FHIT: variants seen among roughly 807,000 people sequenced by gnomAD.
FHIT encodes the protein fragile histidine triad diadenosine triphosphatase.
In FHIT, 19 loss-of-function variants were observed where a neutral mutation model predicts 17.9. That is an observed-to-expected ratio of 1.06 (90% CI 0.74 to 1.56). The LOEUF is 1.56. Among genes scored for constraint, FHIT ranks in the 40% most tolerant of loss-of-function variants. The pLI is 0.00. For synonymous variants in FHIT, 81 were observed against 69.7 expected, an observed-to-expected ratio of 1.16 and a Z score of -0.81; for missense variants, 248 against 189.2, an observed-to-expected ratio of 1.31 and a Z score of -1.82.
intron 5 of FHIT, among the ~76,000 whole-genome samples, chr3:60,383,548 T>C (rs1424875526): frequency 6.6e-6 from 1 of 151,988 alleles, no homozygotes; most frequent in Non-Finnish European, 1.5e-5. Flanking sequence ...CAAAGAATTA[T>C]CCCACCCAAA....
At chr3:61,061,605 G>A (rs1411355791) in intron 2 of FHIT, among the ~76,000 whole-genome samples, 1 of 151,338 alleles carries the variant, frequency 6.6e-6, no homozygotes, top group Non-Finnish European at 1.5e-5. Flanking sequence ...CTATGGACTT[G>A]CTTGAACACA....
chr3:60,915,980 G>A (rs1420190162), intron 3 of FHIT, among the ~76,000 whole-genome samples: 1 of 152,136 alleles, frequency 6.6e-6, no homozygotes, highest in African/African-American at 2.4e-5. Context: ...ATATGCATAT[G>A]TGAACATATA....
At chr3:60,148,018 T>C (rs1474368076) in intron 5 of FHIT, among the ~76,000 whole-genome samples, 1 of 152,188 alleles carries the variant, frequency 6.6e-6, no homozygotes, top group African/African-American at 2.4e-5. Context: ...AAATTATTCT[T>C]TCCATGGGAT....
At chr3:61,119,540 T>G (rs1217312610) in intron 2 of FHIT, among the ~76,000 whole-genome samples, 1 of 152,176 alleles carries the variant, frequency 6.6e-6, no homozygotes, top group Non-Finnish European at 1.5e-5. Flanking sequence ...ACTGTCAACT[T>G]GACTGAGCTA....
chr3:59,762,411 A>C (rs888265715), intron 8 of FHIT, among the ~76,000 whole-genome samples: 1 of 152,174 alleles, frequency 6.6e-6, no homozygotes, highest in Non-Finnish European at 1.5e-5. Context: ...ATGCTAGCTC[A>C]TCATCCCCAT....
chr3:60,633,152 A>G (rs1354950290), intron 4 of FHIT, among the ~76,000 whole-genome samples: 1 of 152,224 alleles, frequency 6.6e-6, no homozygotes, highest in Non-Finnish European at 1.5e-5. Context: ...CAATTTAATA[A>G]AAAGAAATGT....
At chr3:60,770,918 C>G (rs968352078) in intron 4 of FHIT, among the ~76,000 whole-genome samples, 2 of 152,170 alleles carry the variant, frequency 1.3e-5, no homozygotes, top group Non-Finnish European at 2.9e-5. Flanking sequence ...TGCTCCTGAC[C>G]ATATTTTCCT....
chr3:60,124,007 TATAGAGAGAGAGAG>T (rs1705404244), intron 5 of FHIT, among the ~76,000 whole-genome samples: 6 of 17,774 alleles, frequency 3.4e-4, no homozygotes, highest in Admixed American at 1.5e-3. Flanking sequence ...TATATATATA[TATAGAGAGAGAGAG>T]AGAGAGAGAG....
Position 60,047,127 on chromosome 3 carries a change from G to A in FHIT, c.104-32975C>T, listed in dbSNP as rs371844832. ...AATTTTATAATGCAAGCATACTGCC[G>A]TAATGTTCCACAAAACGTAACAGTC... On this transcript the variant is annotated intron_variant, in intron 5 of 9. Coordinates refer to ENST00000492590, the MANE Select transcript of FHIT (RefSeq NM_002012.4). Among the ~76,000 whole-genome samples, 7 of 152,302 alleles carry A rather than the reference G, an allele frequency of 4.6e-5. No individual in the cohort carries two copies. In the East Asian group the frequency reaches 9.6e-4, roughly 21 times the overall value.
At chr3:60,050,598 T>C (rs993198969) in intron 5 of FHIT, among the ~76,000 whole-genome samples, 3 of 138,828 alleles carry the variant, frequency 2.2e-5, no homozygotes, top group Non-Finnish European at 4.7e-5. Flanking sequence ...AGCCCTTTCA[T>C]GTATCCTTAT....
intron 3 of FHIT, among the ~76,000 whole-genome samples, chr3:60,928,548 CTAAA>C (rs59452376): frequency 0.96 from 135,465 of 140,524 alleles, 65,508 homozygotes; most frequent in East Asian, 1. Context: ...GACTCTGTCT[CTAAA>C]TAAATAAATA....
chr3:60,474,979 CTG>C lies in FHIT; in HGVS notation c.103+61879_103+61880del, dbSNP rs2033272941. On this transcript the variant is annotated intron_variant, in intron 5 of 9. Transcript: ENST00000492590. The stretch of plus-strand genomic sequence containing the variant: ...CTACTTAAATCACAAATACAACTGA[CTG>C]TTATTAATACAATGAACCAGGTTGA... 2.6e-5 allele frequency among the ~76,000 whole-genome samples: 4 copies of C among 152,262 alleles called. No homozygotes were observed. In the South Asian group the frequency reaches 8.3e-4, roughly 32 times the overall value.
In FHIT at chr3:59,774,915, T is replaced by C. The variant is rs952388343; in HGVS notation, c.349-22594A>G. On this transcript the variant is annotated intron_variant, in intron 8 of 9. Transcript: ENST00000492590. ...CTCTTGATACACCAAGTGTAGTCTA[T>C]AGACCAGCGACATCAGCATCACTTG... Among the ~76,000 whole-genome samples the C allele has an allele frequency of 5.9e-5, 9 of 152,304 alleles. No homozygotes were observed. The South Asian group carries it at 1.0e-3, about 18-fold the overall frequency.
intron 3 of FHIT, among the ~76,000 whole-genome samples, chr3:61,027,499 T>G (rs993785583): frequency 6.6e-6 from 1 of 152,232 alleles, no homozygotes; most frequent in Non-Finnish European, 1.5e-5. Flanking sequence ...TCACTTGCAG[T>G]AAATTCACAT....
chr3:60,058,615 C>T (rs1048056253), intron 5 of FHIT, among the ~76,000 whole-genome samples: 1 of 152,110 alleles, frequency 6.6e-6, no homozygotes, highest in African/African-American at 2.4e-5. Flanking sequence ...TTGAAAGATG[C>T]CACATCTGCC....
chr3:61,088,621 G>A (rs1450810450), intron 2 of FHIT, among the ~76,000 whole-genome samples: 1 of 152,072 alleles, frequency 6.6e-6, no homozygotes, highest in Non-Finnish European at 1.5e-5. Flanking sequence ...GCCAATGAAG[G>A]AACCTTATGA....
At chr3:60,141,931 C>G (rs1195295036) in intron 5 of FHIT, among the ~76,000 whole-genome samples, 1 of 152,136 alleles carries the variant, frequency 6.6e-6, no homozygotes, top group African/African-American at 2.4e-5. Context: ...GTGATTGGAA[C>G]GCCAAGTGTC....
In FHIT at chr3:59,918,752, G is replaced by A. The variant is rs575828301; in HGVS notation, c.348+3594C>T. ...AAGCAAGCCTAGGTAGAAGGCAGTC[G>A]TGGCAACTGTATAGGCCTAGAGAAT... On this transcript the variant is annotated intron_variant, in intron 8 of 9. Transcript: ENST00000492590. Among the ~76,000 whole-genome samples the A allele has an allele frequency of 3.3e-5, 5 of 152,304 alleles. No individual in the cohort carries two copies. In the East Asian group the frequency reaches 5.8e-4, roughly 18 times the overall value.
intron 8 of FHIT, among the ~76,000 whole-genome samples, chr3:59,790,189 G>A (rs939680462): frequency 2.0e-5 from 3 of 152,222 alleles, no homozygotes; most frequent in Non-Finnish European, 4.4e-5. Context: ...AGGGCCAGTA[G>A]TTTAAAAGCA....
Sources: allele counts gnomAD v4.1 joint callset (sites outside exome capture counted in the v4.1 genomes callset), GRCh38; gene constraint gnomAD v4.1.1; transcripts MANE v1.5; gene names NCBI Gene and HGNC (gene_info 2026-07-23, HGNC 2026-07-21).